The following ADAMTS20 variants were observed in gnomAD, a reference collection of about 807,000 sequenced individuals.
The protein encoded by ADAMTS20 is A disintegrin and metalloproteinase with thrombospondin motifs 20.
In ADAMTS20, 225 loss-of-function variants were observed where a neutral mutation model predicts 260.1. The observed-to-expected ratio is 0.87, with a 90% CI of 0.78 to 0.97. The LOEUF (loss-of-function observed/expected upper bound fraction) is 0.97, where lower values mean the gene tolerates loss of function less well. Among genes scored for constraint, ADAMTS20 ranks in the 50% least tolerant of loss-of-function variants. The pLI is 0.00. For synonymous variants in ADAMTS20, 802 were observed against 769.5 expected (o/e 1.04, Z -0.70); for missense variants, 2,400 against 2,337.7 (o/e 1.03, Z -0.55).
chr12:43,356,729 G>A lies in ADAMTS20; in HGVS notation c.5539-141C>T, dbSNP rs1939754210. 10 of 579,028 alleles carry A rather than the reference G, an allele frequency of 1.7e-5. No homozygotes were observed. The South Asian group carries it at 2.3e-4, about 13-fold the overall frequency. The allele number at this position is 579,028 out of a possible 1,614,324, so 35.9% of individuals were successfully genotyped here. ...GAGAAGTAACTCTGCCCAACTCTAG[G>A]ACTCTATGATTCGACAATTAGAACT... On this transcript the variant is annotated intron_variant, in intron 37 of 38. Transcript: ENST00000389420.
intron 7 of ADAMTS20, 62 bp downstream of exon 7, chr12:43,490,333 A>G: frequency 1.2e-6 from 1 of 851,806 alleles, no homozygotes. Context: ...TAGCCTAAAC[A>G]TTATTGTAAA....
chr12:43,476,180 CA>C lies in ADAMTS20; in HGVS notation c.1118-7476del, dbSNP rs1337105676. On this transcript the variant is annotated intron_variant, in intron 7 of 38. Transcript: ENST00000389420. ...ACAAACAACCCCATCAAAAAGTGGG[CA>C]AAGGAAATGAACAGACACTTCTCAA... Among the ~76,000 whole-genome samples the C allele has an allele frequency of 2.8e-5, 2 of 70,558 alleles. 1 individual carries two copies. Among genetic ancestry groups the C allele is most frequent in the Non-Finnish European group, 5.4e-5 (2 of 36,918 alleles). The allele number at this position is 70,558 out of a possible 152,430, so 46.3% of individuals were successfully genotyped here.
intron 29 of ADAMTS20, among the ~76,000 whole-genome samples, chr12:43,388,198 C>A (rs1054069099): frequency 1.3e-5 from 2 of 152,014 alleles, no homozygotes; most frequent in Non-Finnish European, 2.9e-5. Flanking sequence ...GTTGCAAAGA[C>A]CAGGGGAAAA....
Position 43,502,259 on chromosome 12 carries a change from G to T in ADAMTS20, c.760C>A (p.Leu254Ile). The T allele has an allele frequency of 6.2e-7, 1 of 1,612,138 alleles. No homozygotes were observed. The highest frequency in any genetic ancestry group is 8.5e-7 in the Non-Finnish European group (1 of 1,179,270). ...TCAATGTATCTTGGATATGATATAA[G>T]ACGTTTTTTCCTGGAATGTCTTCTT... ...DERRHSRKKR[L>I]ISYPRYIEIM... is the part of the protein sequence containing the mutation. The change falls in exon 4 of 39, where the codon CTT (leucine) becomes ATT (isoleucine). Residue 254 changes from leucine (L) to isoleucine (I), a missense_variant. Coordinates refer to ENST00000389420, the MANE Select transcript of ADAMTS20 (RefSeq NM_025003.5).
At chr12:43,416,593 G>A (rs1007603783) in intron 28 of ADAMTS20, among the ~76,000 whole-genome samples, 2 of 145,730 alleles carry the variant, frequency 1.4e-5, no homozygotes, top group Non-Finnish European at 3.0e-5. Context: ...GAGCAACCTC[G>A]GCTCACTGCA....
At chr12:43,451,620 C>A (rs1293760334) in intron 14 of ADAMTS20, among the ~76,000 whole-genome samples, 1 of 152,112 alleles carries the variant, frequency 6.6e-6, no homozygotes. Flanking sequence ...ATAAAAGGTT[C>A]TCTGAATCCT....
At chr12:43,419,912 C>A (rs1941197084) in intron 28 of ADAMTS20, among the ~76,000 whole-genome samples, 2 of 152,156 alleles carry the variant, frequency 1.3e-5, no homozygotes, top group African/African-American at 4.8e-5. Context: ...ACATTCTCTT[C>A]TTTGGTGACA....
chr12:43,376,940 G>A (rs1007056186), intron 32 of ADAMTS20, among the ~76,000 whole-genome samples: 2 of 152,030 alleles, frequency 1.3e-5, no homozygotes, highest in African/African-American at 4.8e-5. Flanking sequence ...AGTCAGTGAT[G>A]GTAATTAAAA....
intron 38 of ADAMTS20, 115 bp from the exon 39 acceptor site, chr12:43,354,413 C>T (rs541133161): frequency 4.3e-6 from 3 of 695,424 alleles, no homozygotes; most frequent in Admixed American, 5.6e-5. Flanking sequence ...GCAGAGGTTT[C>T]CTATAACAAT....
intron 28 of ADAMTS20, among the ~76,000 whole-genome samples, chr12:43,424,470 T>TA (rs1283382002): frequency 6.6e-6 from 1 of 152,114 alleles, no homozygotes; most frequent in African/African-American, 2.4e-5. Context: ...ATGACATATG[T>TA]AAAAAACTGT....
intron 28 of ADAMTS20, among the ~76,000 whole-genome samples, chr12:43,412,414 C>T (rs1297217988): frequency 6.6e-6 from 1 of 152,144 alleles, no homozygotes; most frequent in East Asian, 1.9e-4. Context: ...ATCTGAATGG[C>T]GCAGAGTTGA....
Position 43,434,384 on chromosome 12 carries a change from C to T in ADAMTS20, c.2594-13G>A. The T allele has an allele frequency of 6.4e-7, 1 of 1,551,374 alleles. No homozygotes were observed. The highest frequency in any genetic ancestry group is 2.3e-5 in the East Asian group (1 of 43,004). ...CTTCGCTGAAGACCTTGGCCAAAGT[C>T]AAATGAAAATAAAAAATGAAAGAAA... On this transcript the variant is annotated splice_polypyrimidine_tract_variant and intron_variant, in intron 18 of 38. Coordinates refer to ENST00000389420, the MANE Select transcript of ADAMTS20 (RefSeq NM_025003.5).
intron 8 of ADAMTS20, 115 bp downstream of exon 8, chr12:43,468,484 TA>T (rs1352209742): frequency 5.6e-6 from 4 of 711,430 alleles, no homozygotes; most frequent in Non-Finnish European, 9.5e-6. Flanking sequence ...AAAATTACAC[TA>T]ATAACATTTT....
At chr12:43,506,470 C>T (rs750687999) in intron 3 of ADAMTS20, among the ~76,000 whole-genome samples, 53 of 151,756 alleles carry the variant, frequency 3.5e-4, no homozygotes, top group Non-Finnish European at 5.9e-4. Context: ...AGATGGCAAA[C>T]CTCATGTTAC....
At chr12:43,491,479 G>A (rs533181964) in intron 6 of ADAMTS20, among the ~76,000 whole-genome samples, 21 of 152,154 alleles carry the variant, frequency 1.4e-4, no homozygotes, top group Non-Finnish European at 2.6e-4. Context: ...CTAGAAAGCT[G>A]AGATTTCTTT....
chr12:43,447,409 A>C (rs1056621381), intron 14 of ADAMTS20, among the ~76,000 whole-genome samples: 1 of 152,212 alleles, frequency 6.6e-6, no homozygotes, highest in Admixed American at 6.5e-5. Context: ...TTATCTCAAT[A>C]GATGCAGAAA....
intron 7 of ADAMTS20, among the ~76,000 whole-genome samples, chr12:43,471,398 G>C (rs1250357684): frequency 8.3e-6 from 1 of 120,016 alleles, no homozygotes; most frequent in Non-Finnish European, 1.7e-5. Context: ...AGGCGGCAGC[G>C]AGGCTGGGGG....
chr12:43,523,871 C>CA (rs1242333605), intron 3 of ADAMTS20, among the ~76,000 whole-genome samples: 1 of 151,698 alleles, frequency 6.6e-6, no homozygotes, highest in Non-Finnish European at 1.5e-5. Flanking sequence ...CACCCCCCTC[C>CA]CCCAACCACC....
At chr12:43,529,935 G>T (rs995660505) in intron 3 of ADAMTS20, among the ~76,000 whole-genome samples, 2 of 152,078 alleles carry the variant, frequency 1.3e-5, no homozygotes, top group Admixed American at 1.3e-4. Context: ...ATGAGTATTT[G>T]TTAGCTAATT....
Sources: allele counts gnomAD v4.1 joint callset (sites outside exome capture counted in the v4.1 genomes callset), GRCh38; gene constraint gnomAD v4.1.1; transcripts MANE v1.5; gene names NCBI Gene and HGNC (gene_info 2026-07-23, HGNC 2026-07-21).